KDR: variants seen among roughly 807,000 people sequenced by gnomAD.
KDR encodes kinase insert domain receptor.
Under a neutral mutation model 160.9 loss-of-function variants are expected in KDR, and 43 were observed. The ratio of observed to expected loss-of-function variants is 0.27; its 90% confidence interval spans 0.21 to 0.34. KDR has a LOEUF of 0.34. KDR is among the 10% of genes least tolerant of loss of function. The pLI, the probability that KDR is intolerant of heterozygous loss-of-function variation, is 1.00. For synonymous variants in KDR, 617 were observed against 600.1 expected (o/e 1.03, Z -0.41); for missense variants, 1,469 against 1,666.4 (o/e 0.88, Z 2.06).
rs187849476 is a variant in KDR, at chr4:55,084,126, T to C, written c.3663-1491A>G. ...CTCTTCAGATGAGGAAACCAAGGCA[T>C]AGAAAATTTGAGGAACTTATCCAAA... On this transcript the variant is annotated intron_variant, in intron 27 of 29. Coordinates refer to ENST00000263923, the MANE Select transcript of KDR (RefSeq NM_002253.4). Among the ~76,000 whole-genome samples the C allele has an allele frequency of 7.9e-5, 12 of 152,258 alleles. No individual in the cohort carries two copies. In the East Asian group the frequency reaches 2.3e-3, roughly 29 times the overall value.
rs145854690 is a variant in KDR, at chr4:55,088,942, C to G, written c.3436G>C (p.Glu1146Gln). The G allele has an allele frequency of 8.1e-6, 13 of 1,613,884 alleles. No individual in the cohort carries two copies. Among genetic ancestry groups the G allele is most frequent in the Non-Finnish European group, 1.1e-5 (13 of 1,179,902 alleles). The change falls in exon 26 of 30, where the codon GAG becomes CAG. Residue 1146 changes from glutamate to glutamine, a missense_variant. This residue lies in a region of KDR where 132 missense variants were observed against 195.9 expected (regional missense o/e 0.67). Coordinates refer to ENST00000263923, the MANE Select transcript of KDR (RefSeq NM_002253.4). Reference protein sequence around the residue: ...YQTMLDCWHGEPSQRPTFSEL... With the variant: ...YQTMLDCWHGQPSQRPTFSEL... ...GAAAACGTGGGTCTCTGACTGGGCT[C>G]CCCGTGCCAGCAGTCCAGCATGGTC...
At position 55,098,247 on chromosome 4, in the gene KDR, C is replaced by T. The variant is rs995912345; in HGVS notation, c.2399G>A (p.Gly800Asp). Residue 800 changes from glycine to aspartate, a missense_variant, in exon 17 of 30, where the codon GGC becomes GAC. Gly to Asp is a moderately conservative substitution (Grantham distance 94). This residue lies in a region of KDR where 118 missense variants were observed against 110.8 expected (regional missense o/e 1.06). Coordinates refer to ENST00000263923, the MANE Select transcript of KDR (RefSeq NM_002253.4). ...KRANGGELKT[G>D]YLSIVMDPDE... ...TGGATCCATGACGATGGACAAGTAG[C>T]CTGTCTTCAGTTCCCCTCCATTGGC... 1.9e-6 allele frequency: 3 copies of T among 1,613,882 alleles called. No individual in the cohort carries two copies. The highest frequency in any genetic ancestry group is 1.7e-6 in the Non-Finnish European group (2 of 1,179,854).
chr4:55,097,705 G>A lies in KDR; in HGVS notation c.2571C>T (p.Asp857=). ...QVIEADAFGI[D]KTATCRTVAV... ...CTACTGTCCTGCAAGTTGCTGTCTT[G>A]TCAATTCCAAAGGCATCTGCTTCAA... The change falls in exon 18 of 30, where the codon GAC becomes GAT. Residue 857 remains aspartate, a synonymous_variant. Transcript: ENST00000263923. The A allele has an allele frequency of 6.2e-7, 1 of 1,613,304 alleles. No homozygotes were observed. Among genetic ancestry groups the A allele is most frequent in the Non-Finnish European group, 8.5e-7 (1 of 1,179,638 alleles).
intron 20 of KDR, 95 bp from the exon 21 acceptor site, chr4:55,095,050 T>C (rs1720117734): frequency 2.5e-6 from 3 of 1,210,808 alleles, no homozygotes; most frequent in Admixed American, 1.9e-5. Flanking sequence ...ATGGAGATAA[T>C]TGAAACTACT....
chr4:55,095,831 T>C (rs1256357547), intron 19 of KDR, among the ~76,000 whole-genome samples, 166 bp from the exon 20 acceptor site: 1 of 152,204 alleles, frequency 6.6e-6, no homozygotes. Context: ...TTGTAGCTTT[T>C]CTTTTTTCCA....
At chr4:55,103,440 C>A (rs1720364537) in intron 13 of KDR, among the ~76,000 whole-genome samples, 1 of 152,132 alleles carries the variant, frequency 6.6e-6, no homozygotes, top group South Asian at 2.1e-4. Flanking sequence ...AGTTAGGAGT[C>A]CTTAGGGAAG....
At chr4:55,096,183 G>A (rs376146102) in intron 19 of KDR, 46 bp downstream of exon 19, 46 of 996,086 alleles carry the variant, frequency 4.6e-5, no homozygotes, top group Non-Finnish European at 2.1e-5. Context: ...CACTATCAGA[G>A]AGGCATGTTA....
chr4:55,116,903 T>C (rs1720749982), intron 3 of KDR, among the ~76,000 whole-genome samples: 1 of 152,206 alleles, frequency 6.6e-6, no homozygotes, highest in East Asian at 1.9e-4. Flanking sequence ...TCCCATTGTT[T>C]AACTTCATGG....
rs562809810 is a variant in KDR at position 55,113,474 on chromosome 4, T to C, written c.806A>G (p.His269Arg). 5.6e-6 allele frequency: 9 copies of C among 1,613,988 alleles called. No individual in the cohort carries two copies. Among genetic ancestry groups the C allele is most frequent in the South Asian group, 1.1e-5 (1 of 91,080 alleles). Residue 269 changes from histidine to arginine, a missense_variant, in exon 7 of 30, where the codon CAT (histidine) becomes CGT (arginine). His to Arg is a conservative substitution (Grantham distance 29). Transcript: ENST00000263923. ...TAGGTCTCGGTTTACAAGTTTCTTATGCTGATGCTGAAAAAAAGAGTTGAC... is the reference window on the plus strand; with the variant it reads ...TAGGTCTCGGTTTACAAGTTTCTTACGCTGATGCTGAAAAAAAGAGTTGAC... ...NWEYPSSKHQ[H>R]KKLVNRDLKT...
chr4:55,120,186 A>T (rs1325083433), intron 2 of KDR, among the ~76,000 whole-genome samples: 1 of 152,192 alleles, frequency 6.6e-6, no homozygotes, highest in Non-Finnish European at 1.5e-5. Context: ...AAATAGATGT[A>T]TGTCATTCGG....
Position 55,086,556 on chromosome 4 carries a change from T to C in KDR, c.3662+1051A>G, listed in dbSNP as rs1407325747. ...TCATTGTTTCTACCTTGCCTGACTC[T>C]GAGTGTCATGATGTGGGCAACATCT... On this transcript the variant is annotated intron_variant, in intron 27 of 29. Coordinates refer to ENST00000263923, the MANE Select transcript of KDR (RefSeq NM_002253.4). Among the ~76,000 whole-genome samples, 5 of 152,228 alleles carry C rather than the reference T, an allele frequency of 3.3e-5. No homozygotes were observed. The East Asian group carries it at 7.7e-4, about 23-fold the overall frequency.
chr4:55,098,346 T>C (rs2110017757), intron 16 of KDR, 74 bp from the exon 17 acceptor site: 1 of 1,539,974 alleles, frequency 6.5e-7, no homozygotes, highest in East Asian at 2.3e-5. Context: ...GTTATTGCTG[T>C]TTATTGGAGC....
chr4:55,110,518 C>A lies in KDR; in HGVS notation c.1140G>T (p.Gly380=), dbSNP rs1399139149. 6.2e-7 allele frequency: 1 copy of A among 1,613,980 alleles called. No individual in the cohort carries two copies. Among genetic ancestry groups the A allele is most frequent in the South Asian group, 1.1e-5 (1 of 91,074 alleles). Residue 380 remains glycine, a synonymous_variant, in exon 9 of 30, where the codon GGG becomes GGT. Coordinates refer to ENST00000263923, the MANE Select transcript of KDR (RefSeq NM_002253.4). ...TCACTTCCATAATCGTCAGTACATGCCCCGCTTTAATTGTGTGATTGGACT... is the reference window on the plus strand; with the variant it reads ...TCACTTCCATAATCGTCAGTACATGACCCGCTTTAATTGTGTGATTGGACT... ...PLESNHTIKA[G]HVLTIMEVSE...
Position 55,092,699 on chromosome 4 carries a change from T to A in KDR, c.2987A>T (p.Tyr996Phe), listed in dbSNP as rs892780242. 15 of 1,613,192 alleles carry A rather than the reference T, an allele frequency of 9.3e-6. No individual in the cohort carries two copies. Among genetic ancestry groups the A allele is most frequent in the Non-Finnish European group, 1.3e-5 (15 of 1,179,296 alleles). Reference sequence around the variant, plus strand: ...ATGCTCCAAGGTCAGGAAGTCCTTATACAGATCTTCAGGAGCTGTCCAAAG... The same window carrying A: ...ATGCTCCAAGGTCAGGAAGTCCTTAAACAGATCTTCAGGAGCTGTCCAAAG... ...VEEEEAPEDL[Y>F]KDFLTLEHLI... The change falls in exon 22 of 30, where the codon TAT becomes TTT. Residue 996 changes from tyrosine to phenylalanine, a missense_variant. Transcript: ENST00000263923.
Position 55,089,734 on chromosome 4 carries a change from G to A in KDR, c.3261C>T (p.Asp1087=), listed in dbSNP as rs149373186. Residue 1087 remains aspartate, a synonymous_variant, in exon 24 of 30, where the codon GAC becomes GAT. Transcript: ENST00000263923. ...ACAGCAAAACACCAAAAGACCAGAC[G>A]TCACTCTGGATTGTGTACACTCTGT... ...IFDRVYTIQS[D]VWSFGVLLWE... The A allele has an allele frequency of 6.8e-6, 11 of 1,614,000 alleles. No homozygotes were observed. Among genetic ancestry groups the A allele is most frequent in the South Asian group, 2.2e-5 (2 of 91,070 alleles).
At chr4:55,106,950 C>T (rs1002712144) in intron 10 of KDR, 140 bp from the exon 11 acceptor site, 69 of 758,908 alleles carry the variant, frequency 9.1e-5, no homozygotes, top group South Asian at 4.1e-4. Context: ...CAAGACTTGG[C>T]GCCAATTAAA....
chr4:55,119,878 C>T (rs1720824378), intron 2 of KDR, among the ~76,000 whole-genome samples: 1 of 152,134 alleles, frequency 6.6e-6, no homozygotes, highest in South Asian at 2.1e-4. Context: ...ACATTATTGG[C>T]CCTTCATTCA....
Position 55,080,072 on chromosome 4 carries a change from T to A in KDR, c.3940A>T (p.Thr1314Ser). 6.2e-7 allele frequency: 1 copy of A among 1,614,198 alleles called. No individual in the cohort carries two copies. Among genetic ancestry groups the A allele is most frequent in the Non-Finnish European group, 8.5e-7 (1 of 1,180,030 alleles). The change falls in exon 30 of 30, where the codon ACA becomes TCA. Residue 1314 changes from threonine to serine, a missense_variant. Coordinates refer to ENST00000263923, the MANE Select transcript of KDR (RefSeq NM_002253.4). Reference sequence around the variant, plus strand: ...TCACTGGAGTACACGGTGGTGTCTGTGTCATCGGAGTGATATCCGGACTGG... The same window carrying A: ...TCACTGGAGTACACGGTGGTGTCTGAGTCATCGGAGTGATATCCGGACTGG... ...GYQSGYHSDDTDTTVYSSEEA... is the reference protein window; with the variant it reads ...GYQSGYHSDDSDTTVYSSEEA...
intron 18 of KDR, 75 bp downstream of exon 18, chr4:55,097,587 C>T: frequency 1.0e-6 from 1 of 981,486 alleles, no homozygotes; most frequent in Non-Finnish European, 1.6e-6. Context: ...CACAAAGCTA[C>T]TGATACAAGC....
Sources: allele counts gnomAD v4.1 joint callset (sites outside exome capture counted in the v4.1 genomes callset), GRCh38; gene constraint gnomAD v4.1.1; regional missense constraint gnomAD v4.1.1; transcripts MANE v1.5; gene names NCBI Gene and HGNC (gene_info 2026-07-23, HGNC 2026-07-21).